The following GRK5 variants were observed in gnomAD, a reference collection of about 807,000 sequenced individuals.
The protein encoded by GRK5 is g protein-coupled receptor kinase GRK5.
GRK5 carries 40 observed loss-of-function variants against 78.4 expected under a neutral mutation model. The ratio of observed to expected loss-of-function variants is 0.51; its 90% CI spans 0.40 to 0.66. The LOEUF is 0.66. GRK5 is among the 30% of genes least tolerant of loss of function. The probability of loss-of-function intolerance (pLI) is 0.00; values close to 1 mark genes in which losing one functional copy is unlikely to be tolerated. For missense variants in GRK5, 598 were observed against 759.9 expected (o/e 0.79, Z 2.50); for synonymous variants, 289 against 296.8 (o/e 0.97, Z 0.27).
chr10:119,314,486 G>GC (rs957723367), intron 1 of GRK5, among the ~76,000 whole-genome samples: 10 of 152,162 alleles, frequency 6.6e-5, no homozygotes, highest in African/African-American at 2.2e-4. Context: ...GAGGCTCTGT[G>GC]CCCCCCAGAC....
chr10:119,443,557 G>T lies in GRK5; in HGVS notation c.1071G>T (p.Leu357=). ...CTCTGCCCCCAGCTCCAGAGGTCCT[G>T]AACAACCAGAGGTACGGCCTGAGCC... ...GTVGYMAPEV[L]NNQRYGLSPD... The change falls in exon 12 of 16, where the codon CTG becomes CTT. Residue 357 remains leucine (L), a synonymous_variant. Transcript: ENST00000392870. 2 of 1,607,230 alleles carry T rather than the reference G, an allele frequency of 1.2e-6. No homozygotes were observed. The highest frequency in any genetic ancestry group is 2.2e-5 in the South Asian group (2 of 90,926).
intron 1 of GRK5, among the ~76,000 whole-genome samples, chr10:119,319,454 G>C (rs1464510963): frequency 6.6e-6 from 1 of 152,194 alleles, no homozygotes; most frequent in Admixed American, 6.5e-5. Context: ...CCTGGGCCTC[G>C]GTCACTGCCA....
intron 1 of GRK5, among the ~76,000 whole-genome samples, chr10:119,210,465 ATG>A (rs1401564168): frequency 1.3e-5 from 2 of 152,196 alleles, no homozygotes; most frequent in Non-Finnish European, 2.9e-5. Flanking sequence ...AAAGCAATTT[ATG>A]TTTCTCTTCT....
chr10:119,397,415 G>A (rs917109760), intron 4 of GRK5, among the ~76,000 whole-genome samples: 2 of 152,180 alleles, frequency 1.3e-5, no homozygotes, highest in African/African-American at 4.8e-5. Context: ...TAGTGTCAGT[G>A]GTTCTGCCCA....
chr10:119,440,762 G>A (rs111815453), intron 10 of GRK5, among the ~76,000 whole-genome samples: 25 of 152,092 alleles, frequency 1.6e-4, no homozygotes, highest in African/African-American at 6.0e-4. Flanking sequence ...TGTTGACCAG[G>A]CTGGTCTCAG....
intron 1 of GRK5, among the ~76,000 whole-genome samples, chr10:119,219,409 G>C (rs749354723): frequency 1.3e-5 from 2 of 152,152 alleles, no homozygotes; most frequent in Non-Finnish European, 2.9e-5. Flanking sequence ...TAGATTTTCA[G>C]ATTTGGGATG....
intron 1 of GRK5, among the ~76,000 whole-genome samples, chr10:119,314,260 G>A (rs746908254): frequency 6.6e-6 from 1 of 152,212 alleles, no homozygotes; most frequent in African/African-American, 2.4e-5. Context: ...AGCCCCTCTC[G>A]CCGCCTCCTG....
At chr10:119,414,946 G>T (rs886569651) in intron 4 of GRK5, among the ~76,000 whole-genome samples, 19 of 152,080 alleles carry the variant, frequency 1.2e-4, no homozygotes, top group Middle Eastern at 3.4e-3. Flanking sequence ...GTCAGGTGTT[G>T]TGGGGCGTGC....
Position 119,423,360 on chromosome 10 carries a change from G to A in GRK5, c.440+94G>A, listed in dbSNP as rs184729722. On this transcript the variant is annotated intron_variant, in intron 5 of 15. Coordinates refer to ENST00000392870, the MANE Select transcript of GRK5 (RefSeq NM_005308.3). ...CTGACCATACAGGGCACTGAGGCAG[G>A]TCTTCCATGCCTGACAGCTTCAGCC... 3.8e-4 allele frequency: 310 copies of A among 817,506 alleles called. 3 individuals are homozygous for A. The East Asian group carries it at 5.1e-3, about 13-fold the overall frequency. 50.6% of individuals were successfully genotyped at this position (817,506 alleles called of 1,614,324 possible). A position where few individuals can be genotyped will look rare whatever the true frequency, so the allele number is the denominator to read the frequency against.
chr10:119,395,422 G>A (rs1287996778), intron 3 of GRK5, among the ~76,000 whole-genome samples: 39 of 152,196 alleles, frequency 2.6e-4, no homozygotes, highest in Non-Finnish European at 1.5e-5. Context: ...TTCCCTGAGG[G>A]CCGGCTGGGC....
intron 2 of GRK5, among the ~76,000 whole-genome samples, chr10:119,340,528 A>G (rs1025464235): frequency 6.6e-6 from 1 of 152,256 alleles, no homozygotes; most frequent in African/African-American, 2.4e-5. Context: ...AAAACTGCCA[A>G]TGAGATAAGG....
chr10:119,390,751 A>G (rs1210917841), intron 3 of GRK5, among the ~76,000 whole-genome samples: 2 of 152,198 alleles, frequency 1.3e-5, no homozygotes, highest in African/African-American at 4.8e-5. Context: ...CACTATCCCG[A>G]GAACAGTACC....
At chr10:119,453,360 A>G in intron 15 of GRK5, 84 bp downstream of exon 15, 2 of 1,518,994 alleles carry the variant, frequency 1.3e-6, no homozygotes, top group Non-Finnish European at 1.8e-6. Context: ...GACCCACAGT[A>G]GAGACCCTTG....
rs991956446 is a variant in GRK5, at chr10:119,267,804, A to T, written c.53-58712A>T. 6.6e-5 allele frequency among the ~76,000 whole-genome samples: 10 copies of T among 152,058 alleles called. No individual in the cohort carries two copies. Among genetic ancestry groups the T allele is most frequent in the African/African-American group, 2.4e-4 (10 of 41,408 alleles). ...ACACAAACAATGACATGGAACAGGG[A>T]GGCGCTCCCATGTCAGAAGATGGGT... On this transcript the variant is annotated intron_variant, in intron 1 of 15. Transcript: ENST00000392870. This position sits in a 1 kb window ranked among gnomAD's most constrained non-coding sequence, Gnocchi z 4.1.
At chr10:119,240,521 A>G (rs1464288662) in intron 1 of GRK5, among the ~76,000 whole-genome samples, 1 of 151,586 alleles carries the variant, frequency 6.6e-6, no homozygotes, top group Admixed American at 6.6e-5. Flanking sequence ...TTTAATGATC[A>G]CCATTCTAAC....
At position 119,452,752 on chromosome 10, in the gene GRK5, G is replaced by A. The variant is rs200119606; in HGVS notation, c.1486G>A (p.Asp496Asn). ...VKGVNLDHTD[D>N]DFYSKFSTGS... ...GGGCGTCAATCTGGACCACACAGAC[G>A]ACGACTTCTACTCCAAGTTCTCCAC... The change falls in exon 14 of 16, where the codon GAC becomes AAC. Residue 496 changes from aspartate (D) to asparagine (N), a missense_variant. By Grantham distance (23) the Asp-to-Asn change is conservative (BLOSUM62 1). Transcript: ENST00000392870. This position sits in a 1 kb window ranked among gnomAD's most constrained non-coding sequence, Gnocchi z 4.4. 108 of 1,602,976 alleles carry A rather than the reference G, an allele frequency of 6.7e-5. No homozygotes were observed. The highest frequency in any genetic ancestry group is 2.0e-4 in the East Asian group (9 of 44,112).
Position 119,453,265 on chromosome 10 carries a change from T to G in GRK5, c.1663T>G (p.Phe555Val). The change falls in exon 15 of 16, where the codon TTC (phenylalanine) becomes GTC (valine). Residue 555 changes from phenylalanine (F) to valine (V), a missense_variant. Coordinates refer to ENST00000392870, the MANE Select transcript of GRK5 (RefSeq NM_005308.3). ...PPKKGLLQRLFKRQHQNNSKS... is the reference protein window; with the variant it reads ...PPKKGLLQRLVKRQHQNNSKS... ...CAAGAAAGGGCTGCTCCAGAGACTCTTCAAGCGGCAGGTGAGACACCCATG... is the reference window on the plus strand; with the variant it reads ...CAAGAAAGGGCTGCTCCAGAGACTCGTCAAGCGGCAGGTGAGACACCCATG... The G allele has an allele frequency of 6.2e-7, 1 of 1,614,018 alleles. No individual in the cohort carries two copies. Among genetic ancestry groups the G allele is most frequent in the Non-Finnish European group, 8.5e-7 (1 of 1,179,992 alleles).
At chr10:119,255,837 C>T (rs941112472) in intron 1 of GRK5, among the ~76,000 whole-genome samples, 7 of 152,142 alleles carry the variant, frequency 4.6e-5, no homozygotes, top group Admixed American at 4.6e-4. Context: ...TGGCTTTGCC[C>T]TCGAGAGCTG....
intron 1 of GRK5, among the ~76,000 whole-genome samples, chr10:119,285,214 C>T (rs963141234): frequency 1.3e-5 from 2 of 152,178 alleles, no homozygotes; most frequent in Admixed American, 1.3e-4. Context: ...GCGACAAGGA[C>T]AGACTTTGGT....
Sources: gnomAD v4.1 joint callset for allele counts (sites outside exome capture counted in the v4.1 genomes callset) on GRCh38, gnomAD v4.1.1 for gene constraint, Gnocchi (gnomAD v3.1) non-coding constraint, MANE v1.5 for transcripts, NCBI Gene and HGNC (gene_info 2026-07-23, HGNC 2026-07-21) for gene names.